Variants in RYR3 observed in about 807,000 individuals in gnomAD.
The protein encoded by RYR3 is brain ryanodine receptor-calcium release channel.
A neutral mutation model predicts 584.3 loss-of-function variants in RYR3; 207 were observed. The ratio of observed to expected loss-of-function variants is 0.35; its 90% confidence interval spans 0.32 to 0.40. RYR3 has a LOEUF of 0.40. Ranked by LOEUF, RYR3 falls within the 10% of genes least tolerant of loss-of-function variation. The probability of loss-of-function intolerance (pLI) is 1.00; values close to 1 mark genes in which losing one functional copy is unlikely to be tolerated. For synonymous variants in RYR3, 2,416 were observed against 2,248.5 expected, an observed-to-expected ratio of 1.07 and a Z score of -2.11; for missense variants, 5,616 against 6,089.2, an observed-to-expected ratio of 0.92 and a Z score of 2.59.
At chr15:33,594,861 T>G (rs1186375151) in intron 16 of RYR3, among the ~76,000 whole-genome samples, 2 of 152,234 alleles carry the variant, frequency 1.3e-5, no homozygotes, top group Non-Finnish European at 2.9e-5. Context: ...ACAATTATGA[T>G]TATTACTGAT....
chr15:33,456,778 A>T (rs2047597793), intron 1 of RYR3, among the ~76,000 whole-genome samples: 1 of 152,204 alleles, frequency 6.6e-6, no homozygotes, highest in Admixed American at 6.5e-5. Context: ...TCAGTGGCTC[A>T]ATGCTGAATC....
At chr15:33,780,553 T>A (rs2074322784) in intron 65 of RYR3, among the ~76,000 whole-genome samples, 1 of 152,198 alleles carries the variant, frequency 6.6e-6, no homozygotes, top group African/African-American at 2.4e-5. Flanking sequence ...GGTTTCCTCT[T>A]CTCTAAAGTG....
intron 67 of RYR3, among the ~76,000 whole-genome samples, chr15:33,799,734 T>G (rs1167688781): frequency 6.6e-6 from 1 of 152,216 alleles, no homozygotes; most frequent in Non-Finnish European, 1.5e-5. Flanking sequence ...ACCTGGGACT[T>G]GAGACCGGCA....
intron 20 of RYR3, among the ~76,000 whole-genome samples, chr15:33,626,817 G>C (rs2061013614): frequency 6.6e-6 from 1 of 152,166 alleles, no homozygotes; most frequent in South Asian, 2.1e-4. Context: ...GAGCCTGTGA[G>C]TGCACAGAAG....
At chr15:33,449,792 T>C (rs554915403) in intron 1 of RYR3, among the ~76,000 whole-genome samples, 1 of 152,210 alleles carries the variant, frequency 6.6e-6, no homozygotes, top group Non-Finnish European at 1.5e-5. Context: ...AGCACGGATC[T>C]CTTTGCTTCA....
chr15:33,641,645 A>AT (rs2061832744), intron 27 of RYR3, among the ~76,000 whole-genome samples: 3 of 151,890 alleles, frequency 2.0e-5, no homozygotes, highest in Admixed American at 2.0e-4. Flanking sequence ...GTCCTTTCAG[A>AT]TTTTCTCTTT....
At chr15:33,576,257 G>A (rs1346759019) in intron 12 of RYR3, among the ~76,000 whole-genome samples, 3 of 152,104 alleles carry the variant, frequency 2.0e-5, no homozygotes, top group African/African-American at 4.8e-5. Flanking sequence ...GACTCCTCCC[G>A]AACTCATTTC....
chr15:33,387,942 AGAG>A (rs1483995710), intron 1 of RYR3, among the ~76,000 whole-genome samples: 1 of 151,540 alleles, frequency 6.6e-6, no homozygotes, highest in African/African-American at 2.4e-5. Context: ...GAGGAAAGAA[AGAG>A]GAGGAAATTA....
At chr15:33,837,050 C>A in intron 88 of RYR3, 63 bp downstream of exon 88, 1 of 1,286,210 alleles carries the variant, frequency 7.8e-7, no homozygotes, top group Non-Finnish European at 1.1e-6. Context: ...ACTAACCTTA[C>A]TGATCATGCA....
Position 33,372,860 on chromosome 15 carries a change from T to C in RYR3, c.51+61764T>C, listed in dbSNP as rs2040443869. On this transcript the variant is annotated intron_variant, in intron 1 of 103. Transcript: ENST00000634891. ...TCAAGTTTCAGCTGCTCACCACCCTTCCTGACTATTTCAGTGTGTGTCAAA... is the reference window on the plus strand; with the variant it reads ...TCAAGTTTCAGCTGCTCACCACCCTCCCTGACTATTTCAGTGTGTGTCAAA... Among the ~76,000 whole-genome samples the C allele has an allele frequency of 2.6e-5, 4 of 152,334 alleles. No individual in the cohort carries two copies. In the South Asian group the frequency reaches 8.3e-4, roughly 32 times the overall value.
At chr15:33,410,345 C>A (rs755781359) in intron 1 of RYR3, among the ~76,000 whole-genome samples, 2 of 152,210 alleles carry the variant, frequency 1.3e-5, no homozygotes, top group Admixed American at 6.5e-5. Flanking sequence ...AATTTAGAAT[C>A]ATTTGAGTTG....
rs752657728 is a variant in RYR3 at position 33,816,888 on chromosome 15, A to G, written c.10529A>G (p.His3510Arg). ...PRHRSINLFL[H>R]GYQRFWIETE... Reference sequence around the variant, plus strand: ...CACCGCTCTATTAACCTCTTCCTCCATGGCTATCAGAGATTTTGGATAGAA... The same window carrying G: ...CACCGCTCTATTAACCTCTTCCTCCGTGGCTATCAGAGATTTTGGATAGAA... Residue 3510 changes from histidine to arginine, a missense_variant, in exon 75 of 104, where the codon CAT becomes CGT. Physicochemically the swap from His to Arg is conservative, Grantham distance 29. Around this residue, in one of 9 missense-constraint regions of RYR3, gnomAD observed 954 missense variants for 1,132.2 expected, o/e 0.84. Transcript: ENST00000634891. 3.7e-6 allele frequency: 6 copies of G among 1,612,312 alleles called. No homozygotes were observed. The highest frequency in any genetic ancestry group is 5.1e-6 in the Non-Finnish European group (6 of 1,179,032).
In RYR3 at chr15:33,706,958, C is replaced by G. The variant is rs2066761369; in HGVS notation, c.6523C>G (p.Pro2175Ala). 6.2e-7 allele frequency: 1 copy of G among 1,612,156 alleles called. No individual in the cohort carries two copies. Among genetic ancestry groups the G allele is most frequent in the Middle Eastern group, 1.7e-4 (1 of 6,060 alleles). Residue 2175 changes from proline to alanine, a missense_variant, in exon 43 of 104, where the codon CCC (proline) becomes GCC (alanine). Around this residue, in one of 9 missense-constraint regions of RYR3, gnomAD observed 1,280 missense variants for 1,426.2 expected, o/e 0.90. Coordinates refer to ENST00000634891, the MANE Select transcript of RYR3 (RefSeq NM_001036.6). ...GGCAGGCTGTGGCCTACAGAGCTGC[C>G]CCATGCTTCTGGCCAAAGGATACCC... ...YLAGCGLQSC[P>A]MLLAKGYPDV... is the part of the protein sequence containing the mutation.
intron 16 of RYR3, among the ~76,000 whole-genome samples, chr15:33,592,851 C>T (rs935169310): frequency 5.9e-5 from 9 of 152,192 alleles, no homozygotes; most frequent in Admixed American, 2.6e-4. Context: ...AGGTTGAGGA[C>T]GTGCCCGTGA....
chr15:33,699,259 C>CG (rs1394953905), intron 40 of RYR3, among the ~76,000 whole-genome samples: 18 of 109,984 alleles, frequency 1.6e-4, no homozygotes, highest in Admixed American at 9.8e-4. Flanking sequence ...TCTCTCCCCC[C>CG]CTTTCTCTCT....
intron 67 of RYR3, among the ~76,000 whole-genome samples, chr15:33,792,668 AAAAT>A (rs1369502335): frequency 1.3e-5 from 2 of 152,370 alleles, no homozygotes; most frequent in Middle Eastern, 3.4e-3. Context: ...TAGCTGAGTG[AAAAT>A]AAATAAACAA....
At chr15:33,797,462 C>T (rs1169808805) in intron 67 of RYR3, among the ~76,000 whole-genome samples, 1 of 152,088 alleles carries the variant, frequency 6.6e-6, no homozygotes, top group Non-Finnish European at 1.5e-5. Flanking sequence ...TCCATTCTCC[C>T]ACAAATACCT....
At chr15:33,651,168 A>T (rs1358175565) in intron 31 of RYR3, among the ~76,000 whole-genome samples, 2 of 152,212 alleles carry the variant, frequency 1.3e-5, no homozygotes, top group African/African-American at 4.8e-5. Context: ...AATAATTCTT[A>T]CTTCTTTGTC....
At chr15:33,567,943 A>T (rs1190478926) in intron 12 of RYR3, among the ~76,000 whole-genome samples, 5 of 152,208 alleles carry the variant, frequency 3.3e-5, no homozygotes, top group Admixed American at 6.5e-5. Flanking sequence ...TGCCCAGGCT[A>T]CATCTTAAAC....
Sources: gnomAD v4.1 joint callset for allele counts (sites outside exome capture counted in the v4.1 genomes callset) on GRCh38, gnomAD v4.1.1 for gene constraint, gnomAD v4.1.1 regional missense constraint, MANE v1.5 for transcripts, NCBI Gene and HGNC (gene_info 2026-07-23, HGNC 2026-07-21) for gene names.